The following ACAP2 variants were observed in gnomAD, a reference collection of about 807,000 sequenced individuals.
The protein encoded by ACAP2 is ArfGAP with coiled-coil, ankyrin repeat and PH domains 2.
Under a neutral mutation model 115.8 loss-of-function variants are expected in ACAP2, and 39 were observed. That is an observed-to-expected ratio of 0.34 (90% CI 0.26 to 0.44). The LOEUF (loss-of-function observed/expected upper bound fraction) is 0.44, where lower values mean the gene tolerates loss of function less well. Among genes scored for constraint, ACAP2 ranks in the 20% least tolerant of loss-of-function variants. The pLI is 1.00. For missense variants in ACAP2, 662 were observed against 927.6 expected, an observed-to-expected ratio of 0.71 and a Z score of 3.72; for synonymous variants, 289 against 315.8, an observed-to-expected ratio of 0.92 and a Z score of 0.90.
At chr3:195,302,643 G>GA (rs945560087) in intron 13 of ACAP2, among the ~76,000 whole-genome samples, 3 of 151,994 alleles carry the variant, frequency 2.0e-5, no homozygotes, top group African/African-American at 7.2e-5. Flanking sequence ...GAGTAACTAG[G>GA]AAAGGTATGA....
At position 195,336,958 on chromosome 3, in the gene ACAP2, T is replaced by C. The variant is rs780007006; in HGVS notation, c.547A>G (p.Lys183Glu). 6.2e-7 allele frequency: 1 copy of C among 1,610,838 alleles called. No individual in the cohort carries two copies. Among genetic ancestry groups the C allele is most frequent in the South Asian group, 1.1e-5 (1 of 90,250 alleles). ...YVLQINVLQS[K>E]RRSEILKSML... ...GATTTTAGGATTTCTGATCTCCTTT[T>C]TGATTGAAGAACATTAATCTGAGGG... Residue 183 changes from lysine to glutamate, a missense_variant, in exon 7 of 23, where the codon AAA (lysine) becomes GAA (glutamate). Around this residue, in one of 3 missense-constraint regions of ACAP2, gnomAD observed 401 missense variants for 604.4 expected, o/e 0.66. Transcript: ENST00000326793.
chr3:195,291,609 A>T, intron 20 of ACAP2, 97 bp downstream of exon 20: 3 of 868,364 alleles, frequency 3.5e-6, no homozygotes, highest in Non-Finnish European at 5.1e-6. Context: ...CTCTTTACAA[A>T]CACTACCTGA....
chr3:195,294,604 AAAAATTAT>A (rs910548929), intron 18 of ACAP2, 107 bp downstream of exon 18: 14 of 80,968 alleles, frequency 1.7e-4, no homozygotes, highest in African/African-American at 2.1e-4. Flanking sequence ...AAAAAAAAAA[AAAAATTAT>A]ATATATATAT....
At chr3:195,288,970 T>C in intron 21 of ACAP2, 151 bp downstream of exon 21, 1 of 561,546 alleles carries the variant, frequency 1.8e-6, no homozygotes, top group Non-Finnish European at 3.1e-6. Flanking sequence ...GGTATGTAAG[T>C]TATATGTAAA....
At chr3:195,431,699 G>A (rs565221319) in intron 1 of ACAP2, among the ~76,000 whole-genome samples, 2 of 150,652 alleles carry the variant, frequency 1.3e-5, no homozygotes, top group South Asian at 2.1e-4. Flanking sequence ...CACTCGTCTC[G>A]GCCTCCCAAA....
At chr3:195,364,363 C>T (rs1241858500) in intron 4 of ACAP2, among the ~76,000 whole-genome samples, 1 of 152,100 alleles carries the variant, frequency 6.6e-6, no homozygotes, top group Non-Finnish European at 1.5e-5. Flanking sequence ...TGATCATCAG[C>T]GAACGCAAAT....
At chr3:195,383,296 A>G (rs1305889637) in intron 2 of ACAP2, among the ~76,000 whole-genome samples, 5 of 151,686 alleles carry the variant, frequency 3.3e-5, no homozygotes, top group African/African-American at 9.7e-5. Context: ...TTATAAAAAG[A>G]TAGTAAATAA....
At chr3:195,419,744 C>A (rs1714019789) in intron 1 of ACAP2, among the ~76,000 whole-genome samples, 1 of 152,108 alleles carries the variant, frequency 6.6e-6, no homozygotes, top group Non-Finnish European at 1.5e-5. Flanking sequence ...TGTATGTAAC[C>A]TACCCAAACA....
rs189084680 is a variant in ACAP2 at position 195,301,875 on chromosome 3, A to C, written c.1325+91T>G. ...ATACAAACTGGTGATTAAATTAGGG[A>C]AGTGGAAAAGGGCAACTAACAAGTG... is the stretch of plus-strand genomic sequence containing the variant. On this transcript the variant is annotated intron_variant, in intron 14 of 22. Coordinates refer to ENST00000326793, the MANE Select transcript of ACAP2 (RefSeq NM_012287.6). 2.9e-6 allele frequency: 4 copies of C among 1,400,038 alleles called. No homozygotes were observed. In the African/African-American group the frequency reaches 4.3e-5, roughly 15 times the overall value. 86.7% of individuals were successfully genotyped at this position (1,400,038 alleles called of 1,614,324 possible).
chr3:195,319,491 G>C (rs1729308578), intron 10 of ACAP2, among the ~76,000 whole-genome samples: 1 of 152,226 alleles, frequency 6.6e-6, no homozygotes. Context: ...AGGTGGAGTT[G>C]CCTAAGGCCA....
intron 1 of ACAP2, among the ~76,000 whole-genome samples, chr3:195,417,934 C>T (rs1329568577): frequency 6.6e-6 from 1 of 151,130 alleles, no homozygotes; most frequent in Non-Finnish European, 1.5e-5. Flanking sequence ...GAGGGAGATC[C>T]TGTCTCAAAA....
intron 10 of ACAP2, among the ~76,000 whole-genome samples, chr3:195,314,113 T>C (rs773062355): frequency 1.3e-5 from 2 of 152,152 alleles, no homozygotes; most frequent in Non-Finnish European, 2.9e-5. Context: ...ACACTTGTAA[T>C]TTATGAAGCA....
rs1731507842 is a variant in ACAP2, at chr3:195,350,711, A to G, written c.286-5394T>C. ...AATAAAGCAGAAATTACCCACGCAT[A>G]TGGTCAGCTTTTATTCATTTATTTT... On this transcript the variant is annotated intron_variant, in intron 4 of 22. Transcript: ENST00000326793. Among the ~76,000 whole-genome samples, 4 of 152,108 alleles carry G rather than the reference A, an allele frequency of 2.6e-5. No homozygotes were observed. In the South Asian group the frequency reaches 8.3e-4, roughly 32 times the overall value.
At chr3:195,310,859 T>A (rs1728718233) in intron 10 of ACAP2, among the ~76,000 whole-genome samples, 1 of 152,094 alleles carries the variant, frequency 6.6e-6, no homozygotes, top group Non-Finnish European at 1.5e-5. Flanking sequence ...AAACTCTTAA[T>A]TTTACATCTC....
chr3:195,338,471 C>G, intron 6 of ACAP2, among the ~76,000 whole-genome samples: 1 of 152,062 alleles, frequency 6.6e-6, no homozygotes, highest in Non-Finnish European at 1.5e-5. Flanking sequence ...AGGTGCACAC[C>G]ACCAGACCTG....
chr3:195,281,180 C>T (rs751740347), intron 22 of ACAP2, among the ~76,000 whole-genome samples: 1 of 152,026 alleles, frequency 6.6e-6, no homozygotes. Context: ...CCGAGACGGG[C>T]GGATCACGAG....
intron 1 of ACAP2, among the ~76,000 whole-genome samples, chr3:195,430,874 C>A (rs1182244816): frequency 6.6e-6 from 1 of 152,108 alleles, no homozygotes; most frequent in Non-Finnish European, 1.5e-5. Context: ...CGCTTCAAAC[C>A]TTTTTCAGTA....
chr3:195,393,482 T>A (rs890895856), intron 1 of ACAP2, among the ~76,000 whole-genome samples: 3 of 152,212 alleles, frequency 2.0e-5, no homozygotes, highest in African/African-American at 7.2e-5. Context: ...AAGAAATGCC[T>A]ATGATAAAAT....
At chr3:195,407,739 C>T (rs1712910253) in intron 1 of ACAP2, among the ~76,000 whole-genome samples, 1 of 152,020 alleles carries the variant, frequency 6.6e-6, no homozygotes. Flanking sequence ...AATAACCTAA[C>T]TTTATGACTT....
Sources: allele counts gnomAD v4.1 joint callset (sites outside exome capture counted in the v4.1 genomes callset), GRCh38; gene constraint gnomAD v4.1.1; regional missense constraint gnomAD v4.1.1; transcripts MANE v1.5; gene names NCBI Gene and HGNC (gene_info 2026-07-23, HGNC 2026-07-21).